Variants in SYBU observed in about 807,000 individuals in gnomAD.
The protein encoded by SYBU is syntabulin.
A neutral mutation model predicts 35.9 loss-of-function variants in SYBU; 21 were observed. The ratio of observed to expected loss-of-function variants is 0.58; its 90% CI spans 0.41 to 0.84. The LOEUF is 0.84. Ranked by LOEUF, SYBU falls within the 40% of genes least tolerant of loss-of-function variation. The pLI, the probability that SYBU is intolerant of heterozygous loss-of-function variation, is 0.00. For synonymous variants in SYBU, 319 were observed against 324.3 expected (o/e 0.98, Z 0.18); for missense variants, 768 against 848.2 (o/e 0.91, Z 1.17).
In SYBU at chr8:109,587,590, G is replaced by C. The variant is rs1823767996; in HGVS notation, c.428-1428C>G. Among the ~76,000 whole-genome samples the C allele has an allele frequency of 7.2e-5, 11 of 152,324 alleles. 1 individual carries two copies. The South Asian group carries it at 2.3e-3, about 32-fold the overall frequency. On this transcript the variant is annotated intron_variant, in intron 3 of 6. Transcript: ENST00000276646. ...GAACCATAGGTACAAGATGTGGCCA[G>C]ACTCTGGCCTACTAGGGAACAGATT...
chr8:109,655,235 C>T (rs1193528016), intron 1 of SYBU, among the ~76,000 whole-genome samples: 5 of 152,316 alleles, frequency 3.3e-5, no homozygotes, highest in African/African-American at 4.8e-5. Flanking sequence ...TTTTGCCTTT[C>T]GGGTATATTC....
intron 3 of SYBU, among the ~76,000 whole-genome samples, chr8:109,605,500 A>G (rs1267115227): frequency 6.6e-6 from 1 of 152,170 alleles, no homozygotes; most frequent in Non-Finnish European, 1.5e-5. Flanking sequence ...GTGACTTGGT[A>G]TAGTCCTTGG....
chr8:109,672,232 T>A (rs1166700419), intron 1 of SYBU, among the ~76,000 whole-genome samples: 2 of 150,968 alleles, frequency 1.3e-5, no homozygotes, highest in Admixed American at 1.3e-4. Context: ...AAGCTGGGGG[T>A]GGCTGGCAAG....
At chr8:109,591,666 C>T (rs1563693417) in intron 3 of SYBU, among the ~76,000 whole-genome samples, 1 of 150,658 alleles carries the variant, frequency 6.6e-6, no homozygotes, top group Non-Finnish European at 1.5e-5. Context: ...CGCCCGCCAC[C>T]ACGCCCGGCT....
chr8:109,630,215 T>C (rs1586884512), intron 2 of SYBU, among the ~76,000 whole-genome samples: 2 of 140,332 alleles, frequency 1.4e-5, no homozygotes, highest in Admixed American at 7.7e-5. Flanking sequence ...TAGGTGGGAA[T>C]TGAACAATGA....
At chr8:109,638,590 C>T (rs1771959403) in intron 2 of SYBU, among the ~76,000 whole-genome samples, 1 of 152,110 alleles carries the variant, frequency 6.6e-6, no homozygotes, top group South Asian at 2.1e-4. Flanking sequence ...TTTCTATTAA[C>T]TTCCTATTAA....
chr8:109,605,748 G>T (rs1275783484), intron 3 of SYBU, among the ~76,000 whole-genome samples: 1 of 152,090 alleles, frequency 6.6e-6, no homozygotes, highest in Non-Finnish European at 1.5e-5. Context: ...CCAGCATGGG[G>T]CCTATTTTTA....
At chr8:109,603,987 T>A (rs1825813192) in intron 3 of SYBU, among the ~76,000 whole-genome samples, 1 of 152,038 alleles carries the variant, frequency 6.6e-6, no homozygotes, top group Non-Finnish European at 1.5e-5. Flanking sequence ...TCTTTATGCA[T>A]CACATTATAT....
In SYBU at chr8:109,575,935, T is replaced by C. The variant is rs1822234084; in HGVS notation, c.963A>G (p.Val321=). 6.2e-7 allele frequency: 1 copy of C among 1,612,692 alleles called. No individual in the cohort carries two copies. Among genetic ancestry groups the C allele is most frequent in the Non-Finnish European group, 8.5e-7 (1 of 1,179,908 alleles). Residue 321 remains valine, a synonymous_variant, in exon 7 of 7, where the codon GTA becomes GTG. Transcript: ENST00000276646. The part of the protein sequence containing the change: ...EDWIEEECHR[V]EAQLALKEAR... ...CTTCTTTGAGTGCCAACTGGGCCTC[T>C]ACCCGGTGACACTCCTCCTCAATCC...
At position 109,671,484 on chromosome 8, in the gene SYBU, T is replaced by A. The variant is rs989970530; in HGVS notation, c.-129+9227A>T. 2.0e-5 allele frequency among the ~76,000 whole-genome samples: 3 copies of A among 152,266 alleles called. 1 individual carries two copies. The highest frequency in any genetic ancestry group is 6.8e-3 in the Middle Eastern group (2 of 294). On this transcript the variant is annotated intron_variant, in intron 1 of 5. Coordinates refer to the SYBU transcript ENST00000408889. The stretch of plus-strand genomic sequence containing the variant: ...GGCAGATGGCCCTCCTCAGATATAT[T>A]CCTATAGTAATGCTCTTGTGGGTTC...
At chr8:109,645,598 T>C (rs918602738), upstream of SYBU, 27 of 287,908 alleles carry the variant, frequency 9.4e-5, no homozygotes, top group African/African-American at 4.5e-5. Context: ...CTGAGTGCCT[T>C]TATGCCTAAA....
chr8:109,679,119 T>C (rs1177710987), intron 1 of SYBU, among the ~76,000 whole-genome samples: 2 of 152,188 alleles, frequency 1.3e-5, no homozygotes, highest in Non-Finnish European at 2.9e-5. Context: ...ATATGCTAAT[T>C]ATAATTCATT....
In SYBU at chr8:109,586,064, G is replaced by A. The variant is rs766336087; in HGVS notation, c.526C>T (p.Arg176Cys). ...AGAGCAGGAGATGGTGCCTACTTGCGTGAAGAAGAAGACCGCTTGCTTCCC... is the reference window on the plus strand; with the variant it reads ...AGAGCAGGAGATGGTGCCTACTTGCATGAAGAAGAAGACCGCTTGCTTCCC... ...TAGSKRSSSS[R>C]NRGPHGRSNG... The change falls in exon 4 of 7, where the codon CGC becomes TGC. Residue 176 changes from arginine (R) to cysteine (C), a missense_variant. Transcript: ENST00000276646. 6.8e-6 allele frequency: 11 copies of A among 1,608,036 alleles called. No individual in the cohort carries two copies. Among genetic ancestry groups the A allele is most frequent in the South Asian group, 2.2e-5 (2 of 89,424 alleles).
intron 2 of SYBU, among the ~76,000 whole-genome samples, chr8:109,638,873 A>C (rs938231183): frequency 6.6e-6 from 1 of 151,962 alleles, no homozygotes; most frequent in Non-Finnish European, 1.5e-5. Context: ...CGCTAAGAAG[A>C]AGCGATTAAA....
rs1176915181 is a variant in SYBU at position 109,600,362 on chromosome 8, T to C, written c.428-14200A>G. ...CTCCCTTCCACTCCTACTTCCAGCC[T>C]GTATGCCCAAACCTCTTAAAAGTCA... On this transcript the variant is annotated intron_variant, in intron 3 of 6. Coordinates refer to ENST00000276646, the MANE Select transcript of SYBU (RefSeq NM_001099754.2). Among the ~76,000 whole-genome samples the C allele has an allele frequency of 2.6e-5, 4 of 152,202 alleles. No individual in the cohort carries two copies. The East Asian group carries it at 5.8e-4, about 22-fold the overall frequency.
intron 1 of SYBU, among the ~76,000 whole-genome samples, chr8:109,687,197 C>T (rs952968232): frequency 1.3e-5 from 2 of 152,150 alleles, no homozygotes; most frequent in Non-Finnish European, 2.9e-5. Context: ...TATAAACTCA[C>T]TACTTGTTAC....
Position 109,642,844 on chromosome 8 carries a change from T to C in SYBU, c.113A>G (p.Gln38Arg), listed in dbSNP as rs1261715872. The C allele has an allele frequency of 6.8e-6, 11 of 1,612,220 alleles. No homozygotes were observed. The Admixed American group carries it at 1.7e-4, about 25-fold the overall frequency. ...CTCAGAGGCTGGGGACACTTTGTGC[T>C]GTTGTTGGGGCATATGGGGCCGAAG... ...LILRPHMPQQ[Q>R]HKVSPASESP... The change falls in exon 2 of 7, where the codon CAG (glutamine) becomes CGG (arginine). Residue 38 changes from glutamine to arginine, a missense_variant. Coordinates refer to ENST00000276646, the MANE Select transcript of SYBU (RefSeq NM_001099754.2).
At chr8:109,629,462 C>T (rs1225835706) in intron 2 of SYBU, among the ~76,000 whole-genome samples, 1 of 152,172 alleles carries the variant, frequency 6.6e-6, no homozygotes, top group Non-Finnish European at 1.5e-5. Context: ...GTGTTTACGC[C>T]ACCTGTTCAA....
chr8:109,632,546 G>A (rs1054761479), intron 2 of SYBU, among the ~76,000 whole-genome samples: 1 of 151,904 alleles, frequency 6.6e-6, no homozygotes, highest in Non-Finnish European at 1.5e-5. Flanking sequence ...AAAAAGCAAT[G>A]TTCATCATAC....
Sources: allele counts gnomAD v4.1 joint callset (sites outside exome capture counted in the v4.1 genomes callset), GRCh38; gene constraint gnomAD v4.1.1; transcripts MANE v1.5; gene names NCBI Gene and HGNC (gene_info 2026-07-23, HGNC 2026-07-21).